NTM: variants seen among roughly 807,000 people sequenced by gnomAD.
NTM encodes neurotrimin, also known as IgLON family member 2.
Under a neutral mutation model 42.1 loss-of-function variants are expected in NTM, and 13 were observed. The ratio of observed to expected loss-of-function variants is 0.31; its 90% confidence interval spans 0.20 to 0.49. The LOEUF (loss-of-function observed/expected upper bound fraction) is 0.49. Among genes scored for constraint, NTM ranks in the 20% least tolerant of loss-of-function variants. NTM has a pLI of 0.99. For synonymous variants in NTM, 187 were observed against 179.2 expected, an observed-to-expected ratio of 1.04 and a Z score of -0.35; for missense variants, 373 against 452.8, an observed-to-expected ratio of 0.82 and a Z score of 1.60.
At chr11:132,207,194 G>A (rs1314552679) in intron 3 of NTM, among the ~76,000 whole-genome samples, 1 of 152,192 alleles carries the variant, frequency 6.6e-6, no homozygotes, top group South Asian at 2.1e-4. Flanking sequence ...GCAGCTGGTG[G>A]GTGAGTGAGT....
At chr11:132,038,707 T>C (rs1326235355) in intron 2 of NTM, among the ~76,000 whole-genome samples, 2 of 152,216 alleles carry the variant, frequency 1.3e-5, no homozygotes, top group Non-Finnish European at 2.9e-5. Flanking sequence ...GGCAACAGTG[T>C]GCTGACTGCT....
At chr11:131,768,665 T>C (rs2085539379) in intron 1 of NTM, among the ~76,000 whole-genome samples, 1 of 152,230 alleles carries the variant, frequency 6.6e-6, no homozygotes, top group Non-Finnish European at 1.5e-5. Flanking sequence ...CATTAATGGC[T>C]ATCTGGCCAC....
At chr11:131,405,352 T>C (rs747960368) in intron 1 of NTM, among the ~76,000 whole-genome samples, 60 of 152,172 alleles carry the variant, frequency 3.9e-4, no homozygotes, top group Non-Finnish European at 7.1e-4. Flanking sequence ...AGTCCAACTA[T>C]CTTCTGCCCC....
chr11:131,731,059 G>T (rs1591475013), intron 1 of NTM, among the ~76,000 whole-genome samples: 1 of 152,158 alleles, frequency 6.6e-6, no homozygotes, highest in East Asian at 1.9e-4. Flanking sequence ...ATATCGAATT[G>T]TTTTCTCTTA....
At chr11:132,060,489 G>A (rs182239506) in intron 2 of NTM, among the ~76,000 whole-genome samples, 1 of 152,188 alleles carries the variant, frequency 6.6e-6, no homozygotes, top group Non-Finnish European at 1.5e-5. Context: ...TGGAATATTG[G>A]AACTGCTGTC....
chr11:131,856,167 ATCCT>A (rs1296522729), intron 1 of NTM, among the ~76,000 whole-genome samples: 2 of 75,400 alleles, frequency 2.7e-5, no homozygotes, highest in East Asian at 7.7e-4. Context: ...TTTCCTCATC[ATCCT>A]TTCTTTCACT....
chr11:131,487,871 G>C (rs1300061579), intron 1 of NTM, among the ~76,000 whole-genome samples: 3 of 152,198 alleles, frequency 2.0e-5, no homozygotes, highest in Non-Finnish European at 4.4e-5. Context: ...ACGGAATGGG[G>C]AAGAGGACCA....
At chr11:132,006,312 T>C (rs963020105) in intron 2 of NTM, among the ~76,000 whole-genome samples, 4 of 152,142 alleles carry the variant, frequency 2.6e-5, no homozygotes, top group African/African-American at 9.7e-5. Flanking sequence ...AACAGTTTTA[T>C]TTGTTTGTGG....
intron 1 of NTM, among the ~76,000 whole-genome samples, chr11:131,421,454 T>A (rs918037107): frequency 1.3e-5 from 2 of 152,168 alleles, no homozygotes; most frequent in Non-Finnish European, 2.9e-5. Context: ...CCTTTGACCT[T>A]TTCCCACATA....
At chr11:131,834,195 C>T (rs1188074926) in intron 1 of NTM, among the ~76,000 whole-genome samples, 1 of 152,120 alleles carries the variant, frequency 6.6e-6, no homozygotes, top group African/African-American at 2.4e-5. Context: ...GGCTCAGGGC[C>T]CACCACACTC....
intron 1 of NTM, chr11:131,546,812 C>G (rs115166511): frequency 6.6e-6 from 1 of 152,264 alleles, no homozygotes; most frequent in Non-Finnish European, 1.5e-5. Context: ...GCAGGAGGCC[C>G]GGAAAACTCT....
intron 2 of NTM, among the ~76,000 whole-genome samples, chr11:131,960,936 T>C (rs2062095605): frequency 6.6e-6 from 1 of 152,206 alleles, no homozygotes; most frequent in Non-Finnish European, 1.5e-5. Flanking sequence ...TCATGCCTCC[T>C]ACTTTGGCCT....
chr11:132,253,788 T>C (rs527256806), intron 4 of NTM, among the ~76,000 whole-genome samples: 81 of 152,238 alleles, frequency 5.3e-4, no homozygotes, highest in Non-Finnish European at 7.8e-4. Context: ...GCCAAAATGC[T>C]CAATTTGCAG....
chr11:132,044,607 T>G (rs898698775), intron 2 of NTM, among the ~76,000 whole-genome samples: 1 of 152,042 alleles, frequency 6.6e-6, no homozygotes, highest in African/African-American at 2.4e-5. Flanking sequence ...AGCTGCCCCA[T>G]TGCTATCATG....
chr11:131,789,765 G>T (rs1222344320), intron 1 of NTM, among the ~76,000 whole-genome samples: 3 of 148,798 alleles, frequency 2.0e-5, no homozygotes, highest in Admixed American at 6.7e-5. Context: ...GACCATCCTG[G>T]CTAACACGGT....
intron 2 of NTM, among the ~76,000 whole-genome samples, chr11:131,943,213 G>A (rs496368): frequency 0.55 from 84,139 of 151,922 alleles, 23,842 homozygotes; most frequent in East Asian, 0.93. Context: ...TGCTTGCAGA[G>A]GCCGCATCTC....
chr11:131,508,360 G>A (rs1330813197), intron 1 of NTM, among the ~76,000 whole-genome samples: 4 of 150,062 alleles, frequency 2.7e-5, no homozygotes, highest in Admixed American at 6.7e-5. Flanking sequence ...AGTTAGAATG[G>A]CAATCATTAA....
chr11:131,519,592 G>A (rs1157294347), intron 1 of NTM, among the ~76,000 whole-genome samples: 2 of 149,284 alleles, frequency 1.3e-5, no homozygotes, highest in Non-Finnish European at 3.0e-5. Context: ...TTCTGGGTTA[G>A]CACCTGAGAG....
intron 4 of NTM, among the ~76,000 whole-genome samples, chr11:132,220,981 C>A (rs1307398725): frequency 6.6e-6 from 1 of 152,174 alleles, no homozygotes; most frequent in African/African-American, 2.4e-5. Flanking sequence ...CCGCCCATCA[C>A]AACCAGGGTA....
Sources: gnomAD v4.1 joint callset for allele counts (sites outside exome capture counted in the v4.1 genomes callset) on GRCh38, gnomAD v4.1.1 for gene constraint, MANE v1.5 for transcripts, NCBI Gene and HGNC (gene_info 2026-07-23, HGNC 2026-07-21) for gene names.